Variants in XRRA1 observed in about 807,000 individuals in gnomAD.
The protein encoded by XRRA1 is X-ray radiation resistance-associated protein 1.
Under a neutral mutation model 80.2 loss-of-function variants are expected in XRRA1, and 69 were observed. That is an observed-to-expected ratio of 0.86 (90% CI 0.71 to 1.05). The LOEUF is 1.05. Ranked by LOEUF, XRRA1 falls within the 50% of genes least tolerant of loss-of-function variation. XRRA1 has a pLI of 0.00. For missense variants in XRRA1, 967 were observed against 976.4 expected, an observed-to-expected ratio of 0.99 and a Z score of 0.13; for synonymous variants, 348 against 389.9, an observed-to-expected ratio of 0.89 and a Z score of 1.27.
intron 3 of XRRA1, among the ~76,000 whole-genome samples, chr11:74,937,715 G>A (rs184937140): frequency 2.0e-4 from 31 of 152,202 alleles, no homozygotes; most frequent in Admixed American, 1.4e-3. Context: ...AAATCATAAC[G>A]TATTTTGGAA....
intron 11 of XRRA1, among the ~76,000 whole-genome samples, chr11:74,860,404 T>A (rs1371446247): frequency 6.6e-6 from 1 of 152,154 alleles, no homozygotes; most frequent in Non-Finnish European, 1.5e-5. Flanking sequence ...AGGGGGTAAG[T>A]CATACTGCAG....
chr11:74,855,119 G>A (rs567688614), intron 12 of XRRA1, among the ~76,000 whole-genome samples: 1 of 152,294 alleles, frequency 6.6e-6, no homozygotes, highest in South Asian at 2.1e-4. Flanking sequence ...TGTCCCACAA[G>A]GGCAGAGTTA....
intron 9 of XRRA1, 63 bp downstream of exon 9, chr11:74,907,082 C>T (rs1477780923): frequency 1.2e-6 from 2 of 1,604,958 alleles, no homozygotes; most frequent in African/African-American, 2.7e-5. Flanking sequence ...CAGAACAGCA[C>T]TCAGAGTGTG....
At chr11:74,900,191 A>AAATT (rs1383719112) in intron 10 of XRRA1, among the ~76,000 whole-genome samples, 1 of 151,960 alleles carries the variant, frequency 6.6e-6, no homozygotes, top group African/African-American at 2.4e-5. Flanking sequence ...ATAAATAAAT[A>AAATT]AAATAATAAT....
chr11:74,869,931 TCAG>T (rs998409715), intron 10 of XRRA1, among the ~76,000 whole-genome samples: 12 of 152,294 alleles, frequency 7.9e-5, no homozygotes, highest in African/African-American at 2.9e-4. Flanking sequence ...CTTGATTTCC[TCAG>T]CCATGAGACA....
chr11:74,888,431 C>G (rs1007972005), intron 10 of XRRA1, among the ~76,000 whole-genome samples: 19 of 152,194 alleles, frequency 1.2e-4, no homozygotes, highest in Non-Finnish European at 2.1e-4. Flanking sequence ...TCACCATCAT[C>G]AAAGGCCAAA....
intron 6 of XRRA1, 99 bp downstream of exon 6, chr11:74,930,201 T>C: frequency 1.0e-6 from 1 of 1,004,912 alleles, no homozygotes; most frequent in South Asian, 1.5e-5. Flanking sequence ...AAGAGATGTG[T>C]GGCCAATCAT....
chr11:74,870,686 T>C (rs1335312166), intron 10 of XRRA1, among the ~76,000 whole-genome samples: 1 of 152,298 alleles, frequency 6.6e-6, no homozygotes, highest in Admixed American at 6.5e-5. Flanking sequence ...CCTAGTGGAA[T>C]AGAAATCCTC....
At chr11:74,872,405 G>A (rs963219487) in intron 10 of XRRA1, among the ~76,000 whole-genome samples, 9 of 152,196 alleles carry the variant, frequency 5.9e-5, no homozygotes, top group Non-Finnish European at 1.0e-4. Context: ...CCACTTGAGG[G>A]TGGTTACCTT....
intron 17 of XRRA1, 104 bp downstream of exon 17, chr11:74,844,064 G>A (rs139325299): frequency 6.9e-7 from 1 of 1,454,786 alleles, no homozygotes; most frequent in African/African-American, 1.4e-5. Flanking sequence ...ATCTGGGGGT[G>A]CTGGGAAAGC....
chr11:74,886,090 A>T (rs1157274089), intron 10 of XRRA1, among the ~76,000 whole-genome samples: 1 of 152,210 alleles, frequency 6.6e-6, no homozygotes, highest in East Asian at 1.9e-4. Flanking sequence ...TCTATGAGAA[A>T]CCCATTGCCA....
At chr11:74,911,973 G>A (rs777019875) in intron 8 of XRRA1, among the ~76,000 whole-genome samples, 2 of 152,174 alleles carry the variant, frequency 1.3e-5, no homozygotes, top group Non-Finnish European at 2.9e-5. Context: ...CCCTCAGGGT[G>A]AAATTAACCA....
chr11:74,880,529 T>C (rs1295734721), intron 10 of XRRA1, among the ~76,000 whole-genome samples: 116 of 149,246 alleles, frequency 7.8e-4, no homozygotes, highest in Non-Finnish European at 1.2e-3. Context: ...GCTCTTGCTT[T>C]TCTAGTTCTT....
chr11:74,861,094 A>G (rs1291414912), intron 11 of XRRA1, among the ~76,000 whole-genome samples: 1 of 152,216 alleles, frequency 6.6e-6, no homozygotes, highest in Non-Finnish European at 1.5e-5. Flanking sequence ...TGGTGAGCAC[A>G]TCAATGTGCT....
chr11:74,914,131 G>A (rs1318329434), intron 8 of XRRA1, among the ~76,000 whole-genome samples: 2 of 152,002 alleles, frequency 1.3e-5, no homozygotes, highest in Non-Finnish European at 1.5e-5. Context: ...GATTACAGGC[G>A]CCCGCCACCA....
intron 10 of XRRA1, among the ~76,000 whole-genome samples, chr11:74,877,734 T>C (rs1262363913): frequency 6.6e-6 from 1 of 151,602 alleles, no homozygotes; most frequent in Non-Finnish European, 1.5e-5. Flanking sequence ...GTTCTTGCGA[T>C]AGTTTACTGA....
chr11:74,869,292 A>G (rs1433592820), intron 10 of XRRA1, among the ~76,000 whole-genome samples: 1 of 152,142 alleles, frequency 6.6e-6, no homozygotes, highest in Non-Finnish European at 1.5e-5. Flanking sequence ...CTTTGAAACT[A>G]AAGGAGAACA....
intron 1 of XRRA1, among the ~76,000 whole-genome samples, chr11:74,947,537 C>CA (rs1947835711): frequency 6.6e-6 from 1 of 150,590 alleles, no homozygotes; most frequent in Non-Finnish European, 1.5e-5. Flanking sequence ...GACTCTGTCT[C>CA]AAAAAATAAA....
intron 1 of XRRA1, among the ~76,000 whole-genome samples, chr11:74,948,463 A>G (rs1948103354): frequency 1.3e-5 from 2 of 152,390 alleles, no homozygotes; most frequent in Non-Finnish European, 2.9e-5. Flanking sequence ...CGTTAGTACA[A>G]TATTGGTGCT....
Sources: gnomAD v4.1 joint callset for allele counts (sites outside exome capture counted in the v4.1 genomes callset) on GRCh38, gnomAD v4.1.1 for gene constraint, MANE v1.5 for transcripts, NCBI Gene and HGNC (gene_info 2026-07-23, HGNC 2026-07-21) for gene names.